EEF1D: variants seen among roughly 807,000 people sequenced by gnomAD.
EEF1D encodes elongation factor 1-delta.
EEF1D carries 47 observed loss-of-function variants against 63.9 expected under a neutral mutation model. The observed-to-expected ratio is 0.74, with a 90% confidence interval of 0.58 to 0.94. The LOEUF (loss-of-function observed/expected upper bound fraction) is 0.94. Ranked by LOEUF, EEF1D falls within the 40% of genes least tolerant of loss-of-function variation. The pLI is 0.00. For missense variants in EEF1D, 907 were observed against 899.0 expected (o/e 1.01, Z -0.11); for synonymous variants, 412 against 386.1 (o/e 1.07, Z -0.79).
rs779479736 is a variant in EEF1D at position 143,580,992 on chromosome 8, G to A, written c.1488+62C>T. 9.5e-4 allele frequency: 1,469 copies of A among 1,550,412 alleles called. 2 individuals are homozygous for A. The highest frequency in any genetic ancestry group is 1.1e-3 in the Non-Finnish European group (1,270 of 1,129,550). On this transcript the variant is annotated intron_variant, in intron 7 of 9. Transcript: ENST00000618139. ...TGCTGCTGGGGCCAGCCCACAGGGC[G>A]ACGTGGAAGCCAGCAGGGCCACGTG...
chr8:143,586,117 T>TG, intron 5 of EEF1D, 102 bp downstream of exon 5: 1 of 1,088,328 alleles, frequency 9.2e-7, no homozygotes, highest in Non-Finnish European at 1.3e-6. Context: ...CACCCTGCCC[T>TG]GACTCTGCTG....
Position 143,592,122 on chromosome 8 carries a change from T to G in EEF1D, c.-1+525A>C, listed in dbSNP as rs1828072042. ...GGCTGATGGGCAGAGGCAGGGGTTG[T>G]GGGTTGGGGGTGGGGTGGGAGCAAG... On this transcript the variant is annotated intron_variant, in intron 2 of 9. Transcript: ENST00000618139. The G allele has an allele frequency of 1.5e-5, 14 of 963,062 alleles. No homozygotes were observed. The Admixed American group carries it at 3.1e-4, about 21-fold the overall frequency. 59.7% of individuals were successfully genotyped at this position (963,062 alleles called of 1,614,324 possible).
intron 4 of EEF1D, 58 bp from the exon 5 acceptor site, chr8:143,586,348 A>T: frequency 1.4e-6 from 2 of 1,439,218 alleles, no homozygotes; most frequent in Non-Finnish European, 9.3e-7. Context: ...GAATTTAATT[A>T]AAAAACAAAC....
intron 1 of EEF1D, chr8:143,596,834 AT>A (rs1377361454): frequency 6.6e-6 from 1 of 152,308 alleles, no homozygotes; most frequent in East Asian, 1.9e-4. Context: ...AGAGACAGAA[AT>A]TTTGACCCAG....
chr8:143,580,110 C>T lies in EEF1D; in HGVS notation c.1807G>A (p.Gly603Ser). The T allele has an allele frequency of 3.7e-6, 6 of 1,613,960 alleles. No individual in the cohort carries two copies. The highest frequency in any genetic ancestry group is 5.1e-6 in the Non-Finnish European group (6 of 1,180,020). The part of the protein sequence containing the change: ...VWGASKLVPV[G>S]YGIRKLQIQC... ...ATCTGTAGCTTCCGGATACCGTAGCCCACGGGCACCAGCTTGGAAGCCCCC... is the reference window on the plus strand; with the variant it reads ...ATCTGTAGCTTCCGGATACCGTAGCTCACGGGCACCAGCTTGGAAGCCCCC... The change falls in exon 9 of 10, where the codon GGC becomes AGC. Residue 603 changes from glycine to serine, a missense_variant. Transcript: ENST00000618139.
intron 3 of EEF1D, among the ~76,000 whole-genome samples, chr8:143,588,033 G>A (rs1023317379): frequency 6.6e-6 from 1 of 152,210 alleles, no homozygotes; most frequent in Non-Finnish European, 1.5e-5. Flanking sequence ...TGGAGTCTGT[G>A]AGCGTCCTCT....
intron 5 of EEF1D, chr8:143,585,950 C>A (rs932910595): frequency 2.3e-6 from 1 of 443,686 alleles, no homozygotes; most frequent in Non-Finnish European, 4.0e-6. Flanking sequence ...GCAAATGGCA[C>A]CACTCAGCTC....
chr8:143,581,447 C>G (rs1015761869), intron 5 of EEF1D, 119 bp from the exon 6 acceptor site: 6 of 862,294 alleles, frequency 7.0e-6, no homozygotes, highest in Middle Eastern at 3.6e-4. Context: ...GCAGGAGGTG[C>G]CCCCCGCTGA....
intron 2 of EEF1D, chr8:143,590,697 G>C (rs1005614784): frequency 7.8e-6 from 3 of 386,384 alleles, no homozygotes; most frequent in African/African-American, 4.4e-5. Flanking sequence ...AGGGTCTGGA[G>C]ACTGAGACCA....
chr8:143,579,747 C>T lies in EEF1D; in HGVS notation c.*45G>A, dbSNP rs376636909. 7.2e-5 allele frequency: 109 copies of T among 1,511,858 alleles called. No individual in the cohort carries two copies. Among genetic ancestry groups the T allele is most frequent in the African/African-American group, 6.3e-4 (45 of 71,568 alleles). 93.7% of individuals were successfully genotyped at this position (1,511,858 alleles called of 1,614,324 possible). ...CAGAGGGCCGGTCTCAGTCTTTAAT[C>T]GTGGCAGGGCCTCACGCACGCGCGC... is the stretch of plus-strand genomic sequence containing the variant. On this transcript the variant is annotated 3_prime_UTR_variant, in exon 10 of 10. Coordinates refer to ENST00000618139, the MANE Select transcript of EEF1D (RefSeq NM_001130053.5).
At position 143,589,868 on chromosome 8, in the gene EEF1D, G is replaced by A. The variant is rs761305190; in HGVS notation, c.214C>T (p.Arg72Cys). 3.1e-6 allele frequency: 5 copies of A among 1,600,276 alleles called. No individual in the cohort carries two copies. The highest frequency in any genetic ancestry group is 1.3e-5 in the African/African-American group (1 of 74,702). ...EAEAPDGGSR[R>C]DPRKSQDSRK... ...CTGTCCTGGCTCTTCCTGGGATCAC[G>A]CCTGCTGCCGCCGTCAGGGGCTTCC... The change falls in exon 3 of 10, where the codon CGT becomes TGT. Residue 72 changes from arginine (R) to cysteine (C), a missense_variant. Transcript: ENST00000618139.
chr8:143,579,944 T>G, intron 9 of EEF1D, 68 bp downstream of exon 9: 1 of 1,565,102 alleles, frequency 6.4e-7, no homozygotes, highest in Non-Finnish European at 8.7e-7. Flanking sequence ...TGCCGTGGGG[T>G]GGAGTGCAGG....
chr8:143,586,996 CCT>C (rs1293339453), intron 3 of EEF1D, 144 bp from the exon 4 acceptor site: 3 of 1,132,968 alleles, frequency 2.6e-6, no homozygotes. Flanking sequence ...GCCCGTAAGC[CCT>C]CACCCCACAT....
chr8:143,595,504 G>C (rs551090411), intron 1 of EEF1D, among the ~76,000 whole-genome samples: 1 of 152,258 alleles, frequency 6.6e-6, no homozygotes, highest in East Asian at 1.9e-4. Flanking sequence ...ACGCCCAGCC[G>C]CCTTTGGTCT....
intron 2 of EEF1D, among the ~76,000 whole-genome samples, chr8:143,591,937 C>A (rs1186264594): frequency 2.0e-5 from 3 of 152,262 alleles, no homozygotes; most frequent in African/African-American, 7.2e-5. Context: ...ACATGGAGTT[C>A]TTTGCGGGCA....
intron 3 of EEF1D, among the ~76,000 whole-genome samples, chr8:143,588,573 G>T (rs1827171239): frequency 6.6e-6 from 1 of 152,166 alleles, no homozygotes; most frequent in Non-Finnish European, 1.5e-5. Context: ...GGACACACTG[G>T]CTCCCACATC....
At chr8:143,585,164 A>G (rs772087610) in intron 5 of EEF1D, among the ~76,000 whole-genome samples, 1 of 152,220 alleles carries the variant, frequency 6.6e-6, no homozygotes, top group Non-Finnish European at 1.5e-5. Context: ...CATGGCAAAA[A>G]GAAGAATTGG....
Position 143,589,326 on chromosome 8 carries a change from G to C in EEF1D, c.756C>G (p.Asp252Glu). ...AERGFYEALF[D>E]GHPPGKVRLQ... is the part of the protein sequence containing the mutation. ...GGCGCACCTTCCCTGGGGGATGGCCGTCAAACAGGGCCTCGTAGAAGCCCC... is the reference window on the plus strand; with the variant it reads ...GGCGCACCTTCCCTGGGGGATGGCCCTCAAACAGGGCCTCGTAGAAGCCCC... The change falls in exon 3 of 10, where the codon GAC becomes GAG. Residue 252 changes from aspartate (D) to glutamate (E), a missense_variant. Asp to Glu is a conservative substitution (Grantham distance 45). Coordinates refer to ENST00000618139, the MANE Select transcript of EEF1D (RefSeq NM_001130053.5). 6.3e-7 allele frequency: 1 copy of C among 1,584,330 alleles called. No individual in the cohort carries two copies. Among genetic ancestry groups the C allele is most frequent in the Non-Finnish European group, 8.6e-7 (1 of 1,164,564 alleles).
Position 143,581,085 on chromosome 8 carries a change from G to A in EEF1D, c.1457C>T (p.Pro486Leu), listed in dbSNP as rs3207803. Residue 486 changes from proline to leucine, a missense_variant, in exon 7 of 10, where the codon CCT (proline) becomes CTT (leucine). Physicochemically the swap from Pro to Leu is moderately conservative, Grantham distance 98. Transcript: ENST00000618139. The part of the protein sequence containing the change: ...ARLNVLEKSS[P>L]GHRATAPQTQ... ...CTGTGGGGCCGTGGCCCGGTGGCCA[G>A]GCGAGCTCTTCTCCAGCACGTTCAG... 1 of 1,612,458 alleles carries A rather than the reference G, an allele frequency of 6.2e-7. No individual in the cohort carries two copies. The highest frequency in any genetic ancestry group is 1.1e-5 in the South Asian group (1 of 91,046).
Sources: gnomAD v4.1 joint callset for allele counts (sites outside exome capture counted in the v4.1 genomes callset) on GRCh38, gnomAD v4.1.1 for gene constraint, MANE v1.5 for transcripts, NCBI Gene and HGNC (gene_info 2026-07-23, HGNC 2026-07-21) for gene names.